The following AGBL4 variants were observed in gnomAD, a reference collection of about 807,000 sequenced individuals.
AGBL4 encodes AGBL carboxypeptidase 4.
A neutral mutation model predicts 66.4 loss-of-function variants in AGBL4; 58 were observed. The ratio of observed to expected loss-of-function variants is 0.87; its 90% CI spans 0.71 to 1.09. The LOEUF (loss-of-function observed/expected upper bound fraction) is 1.09. Among genes scored for constraint, AGBL4 ranks in the 50% least tolerant of loss-of-function variants. The pLI, the probability that AGBL4 is intolerant of heterozygous loss-of-function variation, is 0.00. For synonymous variants in AGBL4, 234 were observed against 222.9 expected, an observed-to-expected ratio of 1.05 and a Z score of -0.44; for missense variants, 579 against 631.0, an observed-to-expected ratio of 0.92 and a Z score of 0.88.
At chr1:48,567,140 T>C (rs1338106960) in intron 11 of AGBL4, among the ~76,000 whole-genome samples, 2 of 152,214 alleles carry the variant, frequency 1.3e-5, no homozygotes, top group African/African-American at 4.8e-5. Flanking sequence ...TTCTAATGTA[T>C]ATAATGAGGA....
At chr1:48,806,867 G>C (rs1645935688) in intron 6 of AGBL4, among the ~76,000 whole-genome samples, 1 of 152,186 alleles carries the variant, frequency 6.6e-6, no homozygotes, top group African/African-American at 2.4e-5. Flanking sequence ...AACAGCGAGG[G>C]TTACCATATG....
At chr1:49,537,217 T>C (rs1651665562) in intron 3 of AGBL4, among the ~76,000 whole-genome samples, 1 of 152,102 alleles carries the variant, frequency 6.6e-6, no homozygotes, top group Non-Finnish European at 1.5e-5. Flanking sequence ...GGGAATCTCT[T>C]CTGGACATTG....
At chr1:49,266,097 G>A (rs1348371176) in intron 3 of AGBL4, 1 of 152,076 alleles carries the variant, frequency 6.6e-6, no homozygotes, top group East Asian at 1.9e-4. Context: ...TTGTTAATTA[G>A]CTGCACCTGT....
intron 5 of AGBL4, among the ~76,000 whole-genome samples, chr1:48,913,549 C>A (rs1653330261): frequency 6.6e-6 from 1 of 152,130 alleles, no homozygotes; most frequent in Non-Finnish European, 1.5e-5. Context: ...GTGAACTGCA[C>A]ATGTGAAGGA....
At chr1:49,452,670 G>T (rs1646304004) in intron 3 of AGBL4, among the ~76,000 whole-genome samples, 1 of 151,692 alleles carries the variant, frequency 6.6e-6, no homozygotes, top group Non-Finnish European at 1.5e-5. Flanking sequence ...ATTAATTGTT[G>T]TTACTTCATT....
chr1:49,492,973 CCTT>C (rs1647232567), intron 3 of AGBL4, among the ~76,000 whole-genome samples: 1 of 151,868 alleles, frequency 6.6e-6, no homozygotes, highest in Admixed American at 6.6e-5. Flanking sequence ...GCAAACATGT[CCTT>C]CTTCACATGG....
intron 3 of AGBL4, among the ~76,000 whole-genome samples, chr1:49,392,106 A>T (rs1185600647): frequency 6.6e-6 from 1 of 152,212 alleles, no homozygotes; most frequent in Admixed American, 6.5e-5. Flanking sequence ...TGTCCAATAC[A>T]GTAGTCACTG....
At chr1:49,261,531 C>T (rs1366056848) in intron 3 of AGBL4, among the ~76,000 whole-genome samples, 1 of 149,246 alleles carries the variant, frequency 6.7e-6, no homozygotes, top group African/African-American at 2.5e-5. Context: ...AAACAGAGAG[C>T]CAAATCATGA....
chr1:48,953,609 C>T (rs886905496), intron 5 of AGBL4, among the ~76,000 whole-genome samples: 3 of 152,202 alleles, frequency 2.0e-5, no homozygotes, highest in Non-Finnish European at 2.9e-5. Flanking sequence ...AGGTTCCTAG[C>T]ACAGTGCCTG....
intron 3 of AGBL4, among the ~76,000 whole-genome samples, chr1:49,413,141 G>A (rs1274806986): frequency 1.3e-5 from 2 of 152,140 alleles, no homozygotes; most frequent in African/African-American, 2.4e-5. Flanking sequence ...GTCCTTTACT[G>A]TCTCATTGGG....
At chr1:48,844,478 G>A (rs754348035) in intron 6 of AGBL4, among the ~76,000 whole-genome samples, 2 of 152,250 alleles carry the variant, frequency 1.3e-5, no homozygotes. Context: ...TTCTTGAAAC[G>A]CATGCACTAA....
intron 3 of AGBL4, among the ~76,000 whole-genome samples, chr1:49,553,413 T>C (rs1205941627): frequency 6.6e-6 from 1 of 152,234 alleles, no homozygotes; most frequent in Non-Finnish European, 1.5e-5. Context: ...TATAATAAAA[T>C]GACAAAAGTT....
At chr1:49,024,694 A>T (rs985826075) in intron 5 of AGBL4, among the ~76,000 whole-genome samples, 4 of 152,184 alleles carry the variant, frequency 2.6e-5, no homozygotes, top group Non-Finnish European at 5.9e-5. Context: ...TTTAATTTTT[A>T]TATGACAAAT....
intron 2 of AGBL4, among the ~76,000 whole-genome samples, chr1:49,789,709 C>T (rs1345087792): frequency 1.3e-5 from 2 of 152,144 alleles, no homozygotes; most frequent in Admixed American, 6.6e-5. Context: ...AAACATTCCA[C>T]GCTCATGGAT....
chr1:48,751,731 G>T (rs1651767681), intron 6 of AGBL4, among the ~76,000 whole-genome samples: 1 of 152,194 alleles, frequency 6.6e-6, no homozygotes, highest in African/African-American at 2.4e-5. Flanking sequence ...CTGACAATGG[G>T]GAAAAGCCTA....
At chr1:49,833,479 C>G (rs919252705) in intron 2 of AGBL4, among the ~76,000 whole-genome samples, 6 of 152,100 alleles carry the variant, frequency 3.9e-5, no homozygotes, top group Admixed American at 3.3e-4. Context: ...GATGCGGGCT[C>G]TTTTTTGGTG....
chr1:49,820,570 A>T (rs1217264735), intron 2 of AGBL4, among the ~76,000 whole-genome samples: 2 of 152,182 alleles, frequency 1.3e-5, no homozygotes, highest in African/African-American at 4.8e-5. Flanking sequence ...CACAGATCAG[A>T]TACTCAAACC....
intron 5 of AGBL4, among the ~76,000 whole-genome samples, chr1:48,986,028 G>GA (rs1476622857): frequency 3.9e-5 from 6 of 151,960 alleles, no homozygotes; most frequent in Admixed American, 2.6e-4. Flanking sequence ...ACATTGGATG[G>GA]AAAAATGGCA....
intron 6 of AGBL4, among the ~76,000 whole-genome samples, chr1:48,797,511 G>C (rs554247866): frequency 2.3e-4 from 35 of 152,152 alleles, no homozygotes; most frequent in Non-Finnish European, 3.8e-4. Context: ...TTAGAATAAT[G>C]GTCTCCAGCT....
Sources: allele counts gnomAD v4.1 joint callset (sites outside exome capture counted in the v4.1 genomes callset), GRCh38; gene constraint gnomAD v4.1.1; transcripts MANE v1.5; gene names NCBI Gene and HGNC (gene_info 2026-07-23, HGNC 2026-07-21).